The following PHF20 variants were observed in gnomAD, a reference collection of about 807,000 sequenced individuals.
The protein encoded by PHF20 is glioma-expressed antigen 2.
PHF20 carries 23 observed loss-of-function variants against 113.5 expected under a neutral mutation model. That is an observed-to-expected ratio of 0.20 (90% CI 0.15 to 0.29). PHF20 has a LOEUF of 0.29. Ranked by LOEUF, PHF20 falls within the 10% of genes least tolerant of loss-of-function variation. The probability of loss-of-function intolerance (pLI) is 1.00; values close to 1 mark genes in which losing one functional copy is unlikely to be tolerated. For missense variants in PHF20, 943 were observed against 1,219.6 expected (o/e 0.77, Z 3.38); for synonymous variants, 434 against 457.3 (o/e 0.95, Z 0.65).
At chr20:35,908,610 G>A (rs1304622207) in intron 10 of PHF20, among the ~76,000 whole-genome samples, 1 of 152,180 alleles carries the variant, frequency 6.6e-6, no homozygotes, top group African/African-American at 2.4e-5. Context: ...GTGTTGTGGA[G>A]GAGTGTGGGT....
chr20:35,909,060 A>G (rs1267769178), intron 10 of PHF20, among the ~76,000 whole-genome samples: 1 of 152,016 alleles, frequency 6.6e-6, no homozygotes, highest in Non-Finnish European at 1.5e-5. Flanking sequence ...TTTCCAGTAA[A>G]ATGTTGAATA....
At chr20:35,938,554 C>T (rs550035806) in intron 15 of PHF20, 143 bp from the exon 16 acceptor site, 11 of 763,170 alleles carry the variant, frequency 1.4e-5, no homozygotes, top group Admixed American at 7.2e-5. Context: ...GATTCACATT[C>T]GCTCTTGTTT....
intron 4 of PHF20, among the ~76,000 whole-genome samples, chr20:35,849,663 C>T (rs1419881581): frequency 6.6e-6 from 1 of 152,188 alleles, no homozygotes; most frequent in Non-Finnish European, 1.5e-5. Context: ...TCTCTCTTTT[C>T]ACTCTTTCCT....
intron 6 of PHF20, among the ~76,000 whole-genome samples, chr20:35,869,090 C>CA (rs1189259146): frequency 6.4e-4 from 90 of 141,080 alleles, no homozygotes; most frequent in East Asian, 4.3e-3. Context: ...GACTCCATCT[C>CA]AAAAAAAAAA....
At chr20:35,776,380 C>CTAAA (rs2041175275) in intron 1 of PHF20, among the ~76,000 whole-genome samples, 1 of 152,194 alleles carries the variant, frequency 6.6e-6, no homozygotes, top group South Asian at 2.1e-4. Flanking sequence ...CTGGCTTTCT[C>CTAAA]TAAATGGGTG....
intron 2 of PHF20, among the ~76,000 whole-genome samples, chr20:35,829,721 G>A (rs951244584): frequency 1.6e-4 from 24 of 151,578 alleles, no homozygotes; most frequent in African/African-American, 5.8e-4. Context: ...TTAGCCGTGC[G>A]CCATGGCTCA....
At chr20:35,876,368 C>G (rs542224014) in intron 9 of PHF20, among the ~76,000 whole-genome samples, 1 of 149,560 alleles carries the variant, frequency 6.7e-6, no homozygotes, top group South Asian at 2.1e-4. Flanking sequence ...GTCAGGAGTT[C>G]GAGACCAGCC....
At position 35,884,657 on chromosome 20, in the gene PHF20, T is replaced by A. The variant is rs182289608; in HGVS notation, c.1282+12828T>A. Among the ~76,000 whole-genome samples, 12 of 152,302 alleles carry A rather than the reference T, an allele frequency of 7.9e-5. No homozygotes were observed. The East Asian group carries it at 2.1e-3, about 27-fold the overall frequency. On this transcript the variant is annotated intron_variant, in intron 9 of 17. Coordinates refer to ENST00000374012, the MANE Select transcript of PHF20 (RefSeq NM_016436.5). ...GTTTTTATTTTGAAATAATTTAGAC[T>A]TATACATCTATGTAGCATGGGTTAA...
intron 2 of PHF20, among the ~76,000 whole-genome samples, chr20:35,816,104 G>A (rs1438266588): frequency 1.3e-5 from 2 of 151,530 alleles, no homozygotes; most frequent in South Asian, 2.1e-4. Flanking sequence ...CTACAGGCAC[G>A]CGCCACCATG....
chr20:35,923,795 A>G (rs1172274991), intron 13 of PHF20, among the ~76,000 whole-genome samples: 1 of 152,212 alleles, frequency 6.6e-6, no homozygotes, highest in Non-Finnish European at 1.5e-5. Context: ...TTTGTCACCC[A>G]GGATGGAGTA....
chr20:35,837,254 T>C (rs2042459577), intron 2 of PHF20, among the ~76,000 whole-genome samples: 1 of 152,186 alleles, frequency 6.6e-6, no homozygotes, highest in Non-Finnish European at 1.5e-5. Context: ...ATACAAGTAA[T>C]ATTTAACTAA....
chr20:35,847,279 C>G, intron 3 of PHF20, 71 bp from the exon 4 acceptor site: 1 of 958,178 alleles, frequency 1.0e-6, no homozygotes, highest in Non-Finnish European at 1.6e-6. Context: ...TTTATGAGAT[C>G]TGGTATGTCC....
intron 2 of PHF20, among the ~76,000 whole-genome samples, chr20:35,804,297 G>A (rs1196011790): frequency 1.4e-5 from 2 of 144,120 alleles, no homozygotes; most frequent in East Asian, 2.0e-4. Flanking sequence ...GCAGTGGCTC[G>A]ATCTCTCCTC....
chr20:35,896,833 G>C (rs2054995364), intron 9 of PHF20, among the ~76,000 whole-genome samples: 1 of 151,360 alleles, frequency 6.6e-6, no homozygotes, highest in Admixed American at 6.6e-5. Flanking sequence ...CTTGTGATGG[G>C]TTTACTTTTT....
At chr20:35,873,980 A>G (rs902332567) in intron 9 of PHF20, among the ~76,000 whole-genome samples, 3 of 152,136 alleles carry the variant, frequency 2.0e-5, no homozygotes, top group Non-Finnish European at 4.4e-5. Flanking sequence ...TTTTATTTAC[A>G]TATTTTTTTG....
At chr20:35,818,400 A>ACT (rs1429449811) in intron 2 of PHF20, among the ~76,000 whole-genome samples, 1 of 152,158 alleles carries the variant, frequency 6.6e-6, no homozygotes, top group Non-Finnish European at 1.5e-5. Context: ...AGCTGGGACT[A>ACT]CAGGCATGTG....
intron 2 of PHF20, among the ~76,000 whole-genome samples, chr20:35,839,933 A>G (rs1402284667): frequency 6.6e-6 from 1 of 152,216 alleles, no homozygotes; most frequent in East Asian, 1.9e-4. Context: ...TTCATTTGCT[A>G]AACATTTATT....
At chr20:35,826,191 C>A (rs2042258463) in intron 2 of PHF20, among the ~76,000 whole-genome samples, 1 of 152,060 alleles carries the variant, frequency 6.6e-6, no homozygotes, top group South Asian at 2.1e-4. Flanking sequence ...TTACAGGTGC[C>A]CGCCACCACA....
intron 9 of PHF20, among the ~76,000 whole-genome samples, chr20:35,873,466 GTTTTT>G (rs759056358): frequency 1.2e-5 from 1 of 82,364 alleles, no homozygotes; most frequent in African/African-American, 5.0e-5. Context: ...CTGTTTTTTT[GTTTTT>G]TTTTTTTTTT....
Sources: allele counts gnomAD v4.1 joint callset (sites outside exome capture counted in the v4.1 genomes callset), GRCh38; gene constraint gnomAD v4.1.1; transcripts MANE v1.5; gene names NCBI Gene and HGNC (gene_info 2026-07-23, HGNC 2026-07-21).